The following ADGB variants were observed in gnomAD, a reference collection of about 807,000 sequenced individuals.
The protein encoded by ADGB is calpain-7-like protein.
In ADGB, 172 loss-of-function variants were observed where a neutral mutation model predicts 210.5. The ratio of observed to expected loss-of-function variants is 0.82; its 90% CI spans 0.72 to 0.93. The LOEUF is 0.93. Among genes scored for constraint, ADGB ranks in the 40% least tolerant of loss-of-function variants. The pLI, the probability that ADGB is intolerant of heterozygous loss-of-function variation, is 0.00. For synonymous variants in ADGB, 658 were observed against 662.7 expected, an observed-to-expected ratio of 0.99 and a Z score of 0.11; for missense variants, 2,025 against 1,964.8, an observed-to-expected ratio of 1.03 and a Z score of -0.58.
chr6:146,742,908 G>C (rs540150499), intron 25 of ADGB, among the ~76,000 whole-genome samples: 3 of 151,992 alleles, frequency 2.0e-5, no homozygotes, highest in South Asian at 4.2e-4. Context: ...AAGCTTCTGA[G>C]TTTAGTTAGT....
intron 13 of ADGB, 109 bp downstream of exon 13, chr6:146,701,179 A>G: frequency 1.6e-6 from 2 of 1,257,638 alleles, no homozygotes; most frequent in Non-Finnish European, 2.2e-6. Context: ...ATGGATCTGA[A>G]CAGTATAAAG....
intron 13 of ADGB, among the ~76,000 whole-genome samples, chr6:146,709,184 T>C (rs1776621835): frequency 6.6e-6 from 1 of 152,228 alleles, no homozygotes; most frequent in Non-Finnish European, 1.5e-5. Flanking sequence ...AAACAATCAT[T>C]TCACATTCTT....
At chr6:146,768,845 C>A (rs1320808448) in intron 28 of ADGB, among the ~76,000 whole-genome samples, 175 bp from the exon 29 acceptor site, 2 of 152,080 alleles carry the variant, frequency 1.3e-5, no homozygotes, top group Non-Finnish European at 2.9e-5. Context: ...GGCTATTAAA[C>A]TTTTATAAAG....
chr6:146,686,247 G>A (rs1303229015), intron 10 of ADGB, among the ~76,000 whole-genome samples: 1 of 151,970 alleles, frequency 6.6e-6, no homozygotes, highest in Admixed American at 6.6e-5. Flanking sequence ...CCTCAGGCTG[G>A]AGAGATACTG....
rs562331632 is a variant in ADGB at position 146,765,035 on chromosome 6, A to G, written c.3750+935A>G. Among the ~76,000 whole-genome samples the G allele has an allele frequency of 1.8e-4, 28 of 152,214 alleles. 1 individual carries two copies. The South Asian group carries it at 5.6e-3, about 30-fold the overall frequency. ...AGGCTGGTCTTGAATGCCTGACCTC[A>G]TGATCCACCTGCCGTGGCCTCCCAA... On this transcript the variant is annotated intron_variant, in intron 28 of 35. Transcript: ENST00000397944.
Position 146,748,792 on chromosome 6 carries a change from C to G in ADGB, c.3365+2683C>G, listed in dbSNP as rs537361841. 2.6e-5 allele frequency among the ~76,000 whole-genome samples: 4 copies of G among 152,252 alleles called. No homozygotes were observed. In the East Asian group the frequency reaches 5.8e-4, roughly 22 times the overall value. Reference sequence around the variant, plus strand: ...ACAGACTCTTGCTATGTTGACCAGGCTGGTCTCAAACTCTTGGCCTCAAGC... The same window carrying G: ...ACAGACTCTTGCTATGTTGACCAGGGTGGTCTCAAACTCTTGGCCTCAAGC... On this transcript the variant is annotated intron_variant, in intron 26 of 35. Transcript: ENST00000397944.
At chr6:146,652,200 T>C (rs1326267911) in intron 3 of ADGB, among the ~76,000 whole-genome samples, 1 of 152,226 alleles carries the variant, frequency 6.6e-6, no homozygotes, top group African/African-American at 2.4e-5. Context: ...TTTCTACTTT[T>C]CACTTGTCAG....
chr6:146,715,360 G>A (rs774090038), intron 13 of ADGB, 22 bp from the exon 14 acceptor site: 4 of 1,496,808 alleles, frequency 2.7e-6, no homozygotes, highest in Non-Finnish European at 3.6e-6. Context: ...TGGATTCAAA[G>A]TGTGTTTCTT....
chr6:146,624,452 GT>G (rs916811007), intron 1 of ADGB, among the ~76,000 whole-genome samples: 4 of 151,600 alleles, frequency 2.6e-5, no homozygotes, highest in African/African-American at 9.7e-5. Context: ...TGATAGTTGT[GT>G]TTTCTCTCCT....
intron 9 of ADGB, among the ~76,000 whole-genome samples, chr6:146,683,737 AAAGT>A (rs1450887469): frequency 6.6e-6 from 1 of 152,098 alleles, no homozygotes; most frequent in East Asian, 1.9e-4. Context: ...ATAATGTTAT[AAAGT>A]AAGTGAGAAC....
At chr6:146,620,628 C>T (rs1022278085) in intron 1 of ADGB, among the ~76,000 whole-genome samples, 1 of 151,886 alleles carries the variant, frequency 6.6e-6, no homozygotes, top group African/African-American at 2.4e-5. Context: ...GCTAAGACTT[C>T]TATTTGGTTT....
At chr6:146,639,724 C>T (rs572177486) in intron 2 of ADGB, 1 of 152,022 alleles carries the variant, frequency 6.6e-6, no homozygotes, top group Non-Finnish European at 1.5e-5. Flanking sequence ...AGTGCATATA[C>T]TAAAATTGGA....
rs370722919 is a variant in ADGB, at chr6:146,629,969, G to C, written c.75-5406G>C. Among the ~76,000 whole-genome samples the C allele has an allele frequency of 1.2e-4, 19 of 152,294 alleles. 1 individual carries two copies. The highest frequency in any genetic ancestry group is 4.3e-4 in the African/African-American group (18 of 41,568). ...AGAAAAAAGCTGGCTAGGCACTGTG[G>C]CTCGTGCCTATAATCCCAGCACTTT... On this transcript the variant is annotated intron_variant, in intron 1 of 35. Transcript: ENST00000397944.
chr6:146,685,014 T>C (rs1361290956), intron 9 of ADGB, among the ~76,000 whole-genome samples: 2 of 152,058 alleles, frequency 1.3e-5, no homozygotes, highest in African/African-American at 4.8e-5. Flanking sequence ...TTTGTAAACA[T>C]AGTATCAAAT....
intron 29 of ADGB, among the ~76,000 whole-genome samples, chr6:146,781,118 G>A (rs997772274): frequency 7.0e-6 from 1 of 143,514 alleles, no homozygotes; most frequent in Non-Finnish European, 1.5e-5. Context: ...ACGAGCTCAC[G>A]AGATCAAGAC....
At chr6:146,767,744 ATTC>A (rs1777597827) in intron 28 of ADGB, among the ~76,000 whole-genome samples, 1 of 152,082 alleles carries the variant, frequency 6.6e-6, no homozygotes, top group Admixed American at 6.6e-5. Flanking sequence ...TGAAGTAAGT[ATTC>A]TTATTATCTG....
At chr6:146,798,395 C>T (rs1309730416) in intron 33 of ADGB, among the ~76,000 whole-genome samples, 6 of 152,040 alleles carry the variant, frequency 3.9e-5, no homozygotes, top group Admixed American at 2.0e-4. Flanking sequence ...AAGAAACTCA[C>T]AACAAACTGG....
chr6:146,779,681 A>C (rs1777771637), intron 29 of ADGB, among the ~76,000 whole-genome samples: 1 of 152,134 alleles, frequency 6.6e-6, no homozygotes, highest in Admixed American at 6.5e-5. Flanking sequence ...TGCAAAGAAA[A>C]TTATCAACCA....
chr6:146,721,816 C>T (rs1354591246), intron 17 of ADGB, among the ~76,000 whole-genome samples: 1 of 152,042 alleles, frequency 6.6e-6, no homozygotes, highest in Non-Finnish European at 1.5e-5. Context: ...CCAACCTGGG[C>T]AACAAGAGTG....
Sources: gnomAD v4.1 joint callset for allele counts (sites outside exome capture counted in the v4.1 genomes callset) on GRCh38, gnomAD v4.1.1 for gene constraint, MANE v1.5 for transcripts, NCBI Gene and HGNC (gene_info 2026-07-23, HGNC 2026-07-21) for gene names.